ARHGEF7: variants seen among roughly 807,000 people sequenced by gnomAD.
ARHGEF7 encodes the protein PAK-interacting exchange factor beta.
Under a neutral mutation model 109.8 loss-of-function variants are expected in ARHGEF7, and 33 were observed. The observed-to-expected ratio is 0.30, with a 90% confidence interval of 0.23 to 0.40. The LOEUF (loss-of-function observed/expected upper bound fraction) is 0.40, where lower values mean the gene tolerates loss of function less well. Ranked by LOEUF, ARHGEF7 falls within the 10% of genes least tolerant of loss-of-function variation. The pLI is 1.00. For missense variants in ARHGEF7, 938 were observed against 1,098.5 expected (o/e 0.85, Z 2.07); for synonymous variants, 458 against 424.6 (o/e 1.08, Z -0.97).
rs549332005 is a variant in ARHGEF7, at chr13:111,131,491, C to T, written c.165+15800C>T. On this transcript the variant is annotated intron_variant, in intron 1 of 21. Transcript: ENST00000646102. This position sits in a 1 kb window ranked among gnomAD's most constrained non-coding sequence, Gnocchi z 4.4. ...TGGACTGAAGCATACACGTGGGACT[C>T]GTAGTACAGAGATATGTACTGAAGC... 6.6e-6 allele frequency among the ~76,000 whole-genome samples: 1 copy of T among 152,204 alleles called. No individual in the cohort carries two copies. Among genetic ancestry groups the T allele is most frequent in the Non-Finnish European group, 1.5e-5 (1 of 68,018 alleles).
intron 2 of ARHGEF7, among the ~76,000 whole-genome samples, chr13:111,156,080 CAAAAAAA>C (rs56803261): frequency 9.7e-5 from 12 of 123,676 alleles, no homozygotes; most frequent in Admixed American, 1.7e-4. Flanking sequence ...AAGACTCCCT[CAAAAAAA>C]AAAAAAAAAA....
chr13:111,225,998 C>G lies in ARHGEF7; in HGVS notation c.671-7207C>G, dbSNP rs569913292. Reference sequence around the variant, plus strand: ...CAGGCTGAAAGCTAGGCCTGTTGCACCAGTCAGTCGTGAATACAAATGAAA... The same window carrying G: ...CAGGCTGAAAGCTAGGCCTGTTGCAGCAGTCAGTCGTGAATACAAATGAAA... On this transcript the variant is annotated intron_variant, in intron 5 of 21. Transcript: ENST00000646102. 3.9e-5 allele frequency among the ~76,000 whole-genome samples: 6 copies of G among 152,270 alleles called. No homozygotes were observed. The East Asian group carries it at 1.2e-3, about 29-fold the overall frequency.
chr13:111,205,200 G>GAGCATC, intron 2 of ARHGEF7, 89 bp from the exon 3 acceptor site: 1 of 986,396 alleles, frequency 1.0e-6, no homozygotes, highest in Non-Finnish European at 1.5e-6. Context: ...ATTTCAGGCT[G>GAGCATC]AGCATCGTCG....
intron 1 of ARHGEF7, among the ~76,000 whole-genome samples, chr13:111,124,905 G>A (rs1469519412): frequency 1.3e-5 from 2 of 152,138 alleles, no homozygotes; most frequent in Non-Finnish European, 2.9e-5. Context: ...GGCTACAGGT[G>A]TGCGCCACCA....
At chr13:111,150,617 T>C (rs531468361) in intron 1 of ARHGEF7, among the ~76,000 whole-genome samples, 2 of 152,366 alleles carry the variant, frequency 1.3e-5, no homozygotes, top group African/African-American at 4.8e-5. Flanking sequence ...TGCTTGATGC[T>C]GTCCCACGCT....
chr13:111,157,329 C>G (rs1381476712), intron 2 of ARHGEF7, among the ~76,000 whole-genome samples: 1 of 150,870 alleles, frequency 6.6e-6, no homozygotes, highest in Non-Finnish European at 1.5e-5. Flanking sequence ...AACCCCTAGG[C>G]ACACAATTTC....
At chr13:111,237,438 A>G (rs774817939) in intron 6 of ARHGEF7, among the ~76,000 whole-genome samples, 5 of 152,372 alleles carry the variant, frequency 3.3e-5, no homozygotes, top group South Asian at 4.1e-4. Context: ...ATGTAAATCC[A>G]TACAGAGTTT....
At chr13:111,217,600 C>T (rs2083292890) in intron 4 of ARHGEF7, 79 bp from the exon 5 acceptor site, 2 of 1,317,332 alleles carry the variant, frequency 1.5e-6, no homozygotes, top group South Asian at 1.3e-5. Context: ...TACCTTTGTA[C>T]TAGTAAAGTA....
In ARHGEF7 at chr13:111,228,808, C is replaced by T. The variant is rs1294117437; in HGVS notation, c.671-4397C>T. On this transcript the variant is annotated intron_variant, in intron 5 of 21. Transcript: ENST00000646102. This position sits in a 1 kb window ranked among gnomAD's most constrained non-coding sequence, Gnocchi z 4.6. ...CGCACAGAGCCCCAGCACAGAAGGT[C>T]GGAAGAGGACGTGGGAATTCCGAGT... Among the ~76,000 whole-genome samples, 3 of 151,884 alleles carry T rather than the reference C, an allele frequency of 2.0e-5. No individual in the cohort carries two copies. The highest frequency in any genetic ancestry group is 2.1e-4 in the South Asian group (1 of 4,812).
intron 20 of ARHGEF7, 56 bp downstream of exon 20, chr13:111,300,903 A>G (rs2093550484): frequency 8.3e-7 from 1 of 1,204,462 alleles, no homozygotes; most frequent in Admixed American, 2.1e-5. Context: ...GTGGGGTAGT[A>G]GAGTCCAGAC....
intron 5 of ARHGEF7, among the ~76,000 whole-genome samples, chr13:111,229,773 A>G (rs776814614): frequency 6.6e-6 from 1 of 152,184 alleles, no homozygotes; most frequent in Non-Finnish European, 1.5e-5. Flanking sequence ...TTTTTGTCCC[A>G]GGCAGGTACT....
chr13:111,221,301 CT>C (rs2083941830), intron 5 of ARHGEF7, among the ~76,000 whole-genome samples: 2 of 26,990 alleles, frequency 7.4e-5, no homozygotes, highest in African/African-American at 3.1e-4. Context: ...ATATATATGT[CT>C]ATATATATCT....
In ARHGEF7 at chr13:111,239,986, T is replaced by G. The variant is rs1009783927; in HGVS notation, c.760-3886T>G. On this transcript the variant is annotated intron_variant, in intron 6 of 21. Transcript: ENST00000646102. This position sits in a 1 kb window ranked among gnomAD's most constrained non-coding sequence, Gnocchi z 4.3. ...TTGGGCTGGAAGGTCGAAGGGTGAC[T>G]GGCTAGATGCCTTCCTACTATAAGC... 2.0e-5 allele frequency among the ~76,000 whole-genome samples: 3 copies of G among 152,198 alleles called. No individual in the cohort carries two copies. Among genetic ancestry groups the G allele is most frequent in the African/African-American group, 7.2e-5 (3 of 41,442 alleles).
At chr13:111,288,549 G>A (rs151177031) in intron 18 of ARHGEF7, 106 bp downstream of exon 18, 16 of 702,406 alleles carry the variant, frequency 2.3e-5, no homozygotes, top group African/African-American at 7.1e-5. Context: ...CAGCCCATGC[G>A]CCTGACCTCC....
intron 5 of ARHGEF7, among the ~76,000 whole-genome samples, chr13:111,227,438 A>T (rs2085361425): frequency 6.6e-6 from 1 of 152,196 alleles, no homozygotes; most frequent in African/African-American, 2.4e-5. Flanking sequence ...TCAAGGCAAG[A>T]CCCTCTACAA....
intron 3 of ARHGEF7, among the ~76,000 whole-genome samples, chr13:111,206,240 G>C (rs943591670): frequency 1.3e-5 from 2 of 151,384 alleles, no homozygotes; most frequent in African/African-American, 4.9e-5. Flanking sequence ...CAGAGGGGGG[G>C]GTGTACTTGC....
chr13:111,240,654 G>C (rs571401796), intron 6 of ARHGEF7, among the ~76,000 whole-genome samples: 2 of 152,296 alleles, frequency 1.3e-5, no homozygotes, highest in South Asian at 4.1e-4. Context: ...AAATAGACTG[G>C]AATGGAGAAC....
intron 1 of ARHGEF7, 121 bp from the exon 2 acceptor site, chr13:111,153,783 CG>C: frequency 7.2e-7 from 1 of 1,383,234 alleles, no homozygotes; most frequent in Non-Finnish European, 9.3e-7. Context: ...TCCAGGCCGT[CG>C]GGGGCCGCTC....
At chr13:111,133,234 T>C (rs924473429) in intron 1 of ARHGEF7, among the ~76,000 whole-genome samples, 1 of 152,094 alleles carries the variant, frequency 6.6e-6, no homozygotes, top group Non-Finnish European at 1.5e-5. Context: ...CATTATATAA[T>C]GCACACATAT....
Sources: allele counts gnomAD v4.1 joint callset (sites outside exome capture counted in the v4.1 genomes callset), GRCh38; gene constraint gnomAD v4.1.1; non-coding constraint Gnocchi (gnomAD v3.1); transcripts MANE v1.5; gene names NCBI Gene and HGNC (gene_info 2026-07-23, HGNC 2026-07-21).